Variants in ROPN1L observed in about 807,000 individuals in gnomAD.
ROPN1L encodes the protein ropporin-1-like protein.
ROPN1L carries 23 observed loss-of-function variants against 22.7 expected under a neutral mutation model. The ratio of observed to expected loss-of-function variants is 1.01; its 90% CI spans 0.73 to 1.43. ROPN1L has a LOEUF of 1.43. Ranked by LOEUF, ROPN1L falls within the 40% of genes most tolerant of loss-of-function variation. The pLI, the probability that ROPN1L is intolerant of heterozygous loss-of-function variation, is 0.00. For missense variants in ROPN1L, 271 were observed against 291.5 expected (o/e 0.93, Z 0.51); for synonymous variants, 116 against 117.8 (o/e 0.98, Z 0.10).
At chr5:10,472,573 G>A (rs183774412), downstream of ROPN1L, among the ~76,000 whole-genome samples, 5 of 152,230 alleles carry the variant, frequency 3.3e-5, no homozygotes, top group East Asian at 3.9e-4. Flanking sequence ...ACTAACATAC[G>A]TGACACTGTT....
rs368896778 is a variant in ROPN1L at position 10,459,318 on chromosome 5, C to CGCCTTCCACCCTCATCACTGGGTTCCT, written c.418-1840_418-1814dup. Among the ~76,000 whole-genome samples the CGCCTTCCACCCTCATCACTGGGTTCCT allele has an allele frequency of 1.1e-3, 163 of 149,122 alleles. 2 individuals carry two copies. The highest frequency in any genetic ancestry group is 3.2e-3 in the South Asian group (15 of 4,680). On this transcript the variant is annotated intron_variant, in intron 3 of 4. Transcript: ENST00000274134. Reference sequence around the variant, plus strand: ...CCTTCCACCCTCCTCACCGGGTTCCCGCCTTCCACCCTCATCACTGGGTTC... The same window carrying CGCCTTCCACCCTCATCACTGGGTTCCT: ...CCTTCCACCCTCCTCACCGGGTTCCCGCCTTCCACCCTCATCACTGGGTTCCTGCCTTCCACCCTCATCACTGGGTTC...
chr5:10,466,488 G>A (rs1735156574), downstream of ROPN1L, among the ~76,000 whole-genome samples: 1 of 152,170 alleles, frequency 6.6e-6, no homozygotes, highest in Non-Finnish European at 1.5e-5. Context: ...AGTTTTGTAA[G>A]CCCGAGCATA....
chr5:10,474,622 A>T (rs529592553), downstream of ROPN1L, among the ~76,000 whole-genome samples: 1 of 152,386 alleles, frequency 6.6e-6, no homozygotes, highest in East Asian at 1.9e-4. Flanking sequence ...GCCTCGGCCC[A>T]CGCCATGATG....
intron 4 of ROPN1L, among the ~76,000 whole-genome samples, chr5:10,463,671 G>A (rs1436426244): frequency 6.6e-6 from 1 of 152,194 alleles, no homozygotes; most frequent in Non-Finnish European, 1.5e-5. Flanking sequence ...TTGAGCACCT[G>A]CTCTGTGCCA....
chr5:10,467,151 A>T (rs981439721), downstream of ROPN1L, among the ~76,000 whole-genome samples: 2 of 152,226 alleles, frequency 1.3e-5, no homozygotes, highest in South Asian at 4.1e-4. Context: ...TCCGCGCCAC[A>T]TTACTTCTCC....
downstream of ROPN1L, among the ~76,000 whole-genome samples, chr5:10,467,527 T>C (rs551104090): frequency 6.6e-6 from 1 of 152,100 alleles, no homozygotes; most frequent in South Asian, 2.1e-4. Flanking sequence ...GAGGGGAGGA[T>C]GTGGTCATTA....
intron 3 of ROPN1L, among the ~76,000 whole-genome samples, chr5:10,460,270 A>C (rs185464688): frequency 3.9e-5 from 6 of 152,374 alleles, no homozygotes; most frequent in Admixed American, 3.9e-4. Context: ...TGAAACAAAC[A>C]CACAAACAGC....
chr5:10,465,227 C>T (rs1301912156), downstream of ROPN1L, among the ~76,000 whole-genome samples: 2 of 152,176 alleles, frequency 1.3e-5, no homozygotes, highest in East Asian at 1.9e-4. Context: ...TGAAAAGTGG[C>T]TTTTTGGGCC....
At chr5:10,463,899 C>T (rs1168514714) in intron 4 of ROPN1L, among the ~76,000 whole-genome samples, 1 of 152,204 alleles carries the variant, frequency 6.6e-6, no homozygotes, top group Non-Finnish European at 1.5e-5. Context: ...GCCTCAGCCT[C>T]CTGAGAAGCC....
At chr5:10,459,974 G>C (rs1181222632) in intron 3 of ROPN1L, among the ~76,000 whole-genome samples, 1 of 152,232 alleles carries the variant, frequency 6.6e-6, no homozygotes, top group East Asian at 1.9e-4. Context: ...GCAGCCACCT[G>C]TGTGAGCTCA....
chr5:10,480,013 G>A, the ROPN1L span, among the ~76,000 whole-genome samples: 1 of 152,114 alleles, frequency 6.6e-6, no homozygotes, highest in Non-Finnish European at 1.5e-5. Context: ...CAAAGTGCTG[G>A]GATTACAGGC....
chr5:10,469,932 ATTAG>A (rs1332104352), downstream of ROPN1L, among the ~76,000 whole-genome samples: 1 of 152,222 alleles, frequency 6.6e-6, no homozygotes, highest in East Asian at 1.9e-4. Flanking sequence ...TGAATTTACG[ATTAG>A]TTGTTATTTC....
At chr5:10,482,313 T>C in the ROPN1L span, 1 of 152,122 alleles carries the variant, frequency 6.6e-6, no homozygotes, top group South Asian at 2.1e-4. Context: ...ACGAAAACCG[T>C]AAAAGATAAA....
chr5:10,474,736 G>A (rs187100311), downstream of ROPN1L, among the ~76,000 whole-genome samples: 71 of 152,340 alleles, frequency 4.7e-4, no homozygotes, highest in East Asian at 0.013. Context: ...CTAAGTTTAC[G>A]ATACTTTGTT....
chr5:10,442,290 G>A lies in ROPN1L; in HGVS notation c.123G>A (p.Trp41Ter). The A allele has an allele frequency of 6.2e-7, 1 of 1,613,296 alleles. No homozygotes were observed. Residue 41 changes from tryptophan to a stop codon, truncating the protein, a stop_gained, in exon 1 of 5, where the codon TGG (tryptophan) becomes TGA (stop). Coordinates refer to ENST00000274134, the MANE Select transcript of ROPN1L (RefSeq NM_031916.5). LOFTEE classifies it high-confidence loss of function. ...IRTQPADVLR[W>*]SAGYFSALSR... ...CCCAGCCGGCCGACGTGCTGCGGTG[G>A]TCCGCGGGGTAAGCGCCCTTGGCCC... is the stretch of plus-strand genomic sequence containing the variant.
downstream of ROPN1L, among the ~76,000 whole-genome samples, chr5:10,465,407 T>C (rs957746303): frequency 4.6e-5 from 7 of 150,586 alleles, no homozygotes; most frequent in African/African-American, 2.5e-5. Context: ...CCCAGCTACT[T>C]GGGAGGCTGA....
At chr5:10,474,137 G>C (rs185452016), downstream of ROPN1L, among the ~76,000 whole-genome samples, 1 of 149,668 alleles carries the variant, frequency 6.7e-6, no homozygotes, top group East Asian at 2.0e-4. Context: ...GGGCTACAGA[G>C]TGAGACTGTG....
rs149379694 is a variant in ROPN1L, at chr5:10,470,428, C to A, written n.886-1382C>A. 3.1e-3 allele frequency among the ~76,000 whole-genome samples: 475 copies of A among 152,366 alleles called. 1 individual carries two copies. The highest frequency in any genetic ancestry group is 0.011 in the African/African-American group (462 of 41,588). Reference sequence around the variant, plus strand: ...TCCTTCTGCCCAGGGTCCAGGCCCACCCACCTGGCCTCACACTCCTGTCCC... The same window carrying A: ...TCCTTCTGCCCAGGGTCCAGGCCCAACCACCTGGCCTCACACTCCTGTCCC... On this transcript the variant is annotated intron_variant and non_coding_transcript_variant, in intron 4 of 4. Transcript: ENST00000510520.
intron 4 of ROPN1L, 134 bp downstream of exon 4, chr5:10,461,493 C>G: frequency 1.3e-6 from 1 of 773,946 alleles, no homozygotes; most frequent in Non-Finnish European, 2.1e-6. Context: ...CAGAAGACTG[C>G]TATGATCAAA....
Sources: allele counts gnomAD v4.1 joint callset (sites outside exome capture counted in the v4.1 genomes callset), GRCh38; gene constraint gnomAD v4.1.1; transcripts MANE v1.5; gene names NCBI Gene and HGNC (gene_info 2026-07-23, HGNC 2026-07-21).